Variants in ATP6V0A1 observed in about 807,000 individuals in gnomAD.
ATP6V0A1 encodes V-type proton ATPase 116 kDa subunit a 1.
Under a neutral mutation model 105.4 loss-of-function variants are expected in ATP6V0A1, and 43 were observed. The observed-to-expected ratio is 0.41, with a 90% CI of 0.32 to 0.53. The LOEUF (loss-of-function observed/expected upper bound fraction) is 0.53. ATP6V0A1 is among the 20% of genes least tolerant of loss of function. ATP6V0A1 has a pLI of 0.30. For synonymous variants in ATP6V0A1, 362 were observed against 372.8 expected (o/e 0.97, Z 0.33); for missense variants, 676 against 1,051.1 (o/e 0.64, Z 4.93).
chr17:42,507,341 G>A, intron 17 of ATP6V0A1, 179 bp from the exon 18 acceptor site: 1 of 537,876 alleles, frequency 1.9e-6, no homozygotes, highest in Non-Finnish European at 3.3e-6. Flanking sequence ...GGCTGGGGAG[G>A]CGGTGGTTGG....
At chr17:42,474,407 A>G (rs192838507) in intron 5 of ATP6V0A1, among the ~76,000 whole-genome samples, 5 of 151,994 alleles carry the variant, frequency 3.3e-5, no homozygotes, top group African/African-American at 1.2e-4. Context: ...TTTGTCATCA[A>G]TTCCCCTTCC....
At chr17:42,496,759 C>A (rs2091221046) in intron 14 of ATP6V0A1, among the ~76,000 whole-genome samples, 1 of 151,762 alleles carries the variant, frequency 6.6e-6, no homozygotes, top group Non-Finnish European at 1.5e-5. Context: ...TTGCTTGCGC[C>A]CGGGAGGAGG....
rs2090514014 is a variant in ATP6V0A1, at chr17:42,490,390, G to A, written c.1024-97G>A. The stretch of plus-strand genomic sequence containing the variant: ...GAAAGAAAATACATACATTTTATGT[G>A]TACCATTTGATGAGTTTCAAGAAAT... On this transcript the variant is annotated intron_variant, in intron 10 of 21. Transcript: ENST00000343619. 5 of 1,076,676 alleles carry A rather than the reference G, an allele frequency of 4.6e-6. No homozygotes were observed. In the South Asian group the frequency reaches 1.2e-4, roughly 27 times the overall value. The allele number at this position is 1,076,676 out of a possible 1,614,324, so 66.7% of individuals were successfully genotyped here.
chr17:42,515,502 G>C (rs1029070470), intron 21 of ATP6V0A1, among the ~76,000 whole-genome samples: 2 of 148,888 alleles, frequency 1.3e-5, no homozygotes, highest in African/African-American at 5.0e-5. Context: ...GGAGGGGTTG[G>C]GGGCCAGGCA....
At chr17:42,495,424 T>G (rs898440630) in intron 13 of ATP6V0A1, among the ~76,000 whole-genome samples, 6 of 152,104 alleles carry the variant, frequency 3.9e-5, no homozygotes, top group African/African-American at 1.4e-4. Flanking sequence ...CCTACTTGAT[T>G]GTGTGTTTGT....
At chr17:42,477,869 C>A in intron 6 of ATP6V0A1, 127 bp downstream of exon 6, 1 of 744,422 alleles carries the variant, frequency 1.3e-6, no homozygotes, top group Non-Finnish European at 2.1e-6. Flanking sequence ...TTGAGATAGT[C>A]CTACAACTCT....
chr17:42,498,968 T>C lies in ATP6V0A1; in HGVS notation c.1605T>C (p.Phe535=). 1 of 1,613,934 alleles carries C rather than the reference T, an allele frequency of 6.2e-7. No homozygotes were observed. The highest frequency in any genetic ancestry group is 8.5e-7 in the Non-Finnish European group (1 of 1,179,810). ...ATAAACTGACGTTCTTGAACTCCTT[T>C]AAGATGAAGATGTCTGTTATCCTTG... ...ATNKLTFLNS[F]KMKMSVILGI... is the part of the protein sequence containing the mutation. Residue 535 remains phenylalanine, a synonymous_variant, in exon 15 of 22, where the codon TTT becomes TTC. Coordinates refer to ENST00000343619, the MANE Select transcript of ATP6V0A1 (RefSeq NM_001130021.3).
intron 10 of ATP6V0A1, 119 bp from the exon 11 acceptor site, chr17:42,490,364 TGAAA>T (rs2090510953): frequency 1.2e-6 from 1 of 848,060 alleles, no homozygotes. Context: ...ATAATTTACA[TGAAA>T]GAAAATACAT....
In ATP6V0A1 at chr17:42,470,173, C is replaced by T. The variant is rs151312037; in HGVS notation, c.378C>T (p.Thr126=). Residue 126 remains threonine (T), a synonymous_variant, in exon 5 of 22, where the codon ACC becomes ACT. Coordinates refer to ENST00000343619, the MANE Select transcript of ATP6V0A1 (RefSeq NM_001130021.3). ...EALKRNFLEL[T]ELKFILRKTQ... ...TGAAGAGAAACTTCCTGGAACTGACCGAATTAAAATTTATACTTCGCAAAA... is the reference window on the plus strand; with the variant it reads ...TGAAGAGAAACTTCCTGGAACTGACTGAATTAAAATTTATACTTCGCAAAA... 173 of 1,612,674 alleles carry T rather than the reference C, an allele frequency of 1.1e-4. No homozygotes were observed. The African/African-American group carries it at 1.5e-3, about 14-fold the overall frequency.
At chr17:42,503,492 C>A (rs940722642) in intron 17 of ATP6V0A1, among the ~76,000 whole-genome samples, 46 of 152,162 alleles carry the variant, frequency 3.0e-4, no homozygotes, top group Non-Finnish European at 2.5e-4. Flanking sequence ...CTTGATCCTT[C>A]CCTCTTCTGA....
chr17:42,499,865 C>T (rs1038438973), intron 15 of ATP6V0A1, among the ~76,000 whole-genome samples: 4 of 151,810 alleles, frequency 2.6e-5, no homozygotes, highest in African/African-American at 9.7e-5. Context: ...CAGTAAAGAT[C>T]CTTGAAAAAA....
At chr17:42,467,488 A>G (rs2087247594) in intron 3 of ATP6V0A1, among the ~76,000 whole-genome samples, 1 of 152,168 alleles carries the variant, frequency 6.6e-6, no homozygotes, top group African/African-American at 2.4e-5. Context: ...CTCTTCTGGT[A>G]TTTTGTGTCC....
At chr17:42,514,488 TG>T (rs1310062171) in intron 21 of ATP6V0A1, 28 bp downstream of exon 21, 1 of 1,551,656 alleles carries the variant, frequency 6.4e-7, no homozygotes, top group African/African-American at 1.4e-5. Flanking sequence ...AGGGCGGGCA[TG>T]GGGGTGGATG....
chr17:42,517,008 G>A (rs953082242), intron 21 of ATP6V0A1, among the ~76,000 whole-genome samples: 1 of 152,200 alleles, frequency 6.6e-6, no homozygotes. Flanking sequence ...TACTGGGTGC[G>A]ATGGCTCACA....
intron 2 of ATP6V0A1, among the ~76,000 whole-genome samples, chr17:42,463,149 CA>C (rs1201365606): frequency 7.2e-6 from 1 of 138,142 alleles, no homozygotes; most frequent in Admixed American, 7.1e-5. Context: ...ACTACAGGCG[CA>C]CACCGCCGAG....
intron 2 of ATP6V0A1, among the ~76,000 whole-genome samples, chr17:42,464,252 C>T (rs763222038): frequency 2.6e-5 from 4 of 152,142 alleles, no homozygotes; most frequent in Non-Finnish European, 5.9e-5. Context: ...TTGTGTCCGT[C>T]TCTTCTGTAG....
At chr17:42,508,519 G>A in intron 18 of ATP6V0A1, 53 bp from the exon 19 acceptor site, 1 of 1,610,834 alleles carries the variant, frequency 6.2e-7, no homozygotes, top group Non-Finnish European at 8.5e-7. Flanking sequence ...CTCCTAACTT[G>A]TGACCTTGTG....
At position 42,521,381 on chromosome 17, in the gene ATP6V0A1, C is replaced by G. The variant is rs1226016606; in HGVS notation, c.*261C>G. On this transcript the variant is annotated 3_prime_UTR_variant, in exon 22 of 22. Transcript: ENST00000343619. This position sits in a 1 kb window ranked among gnomAD's most constrained non-coding sequence, Gnocchi z 4.8. ...CTTAGCCTCCATCCATCCAGACAGCCCTTCCCACCTCCTGGTGGTGAGCCA... is the reference window on the plus strand; with the variant it reads ...CTTAGCCTCCATCCATCCAGACAGCGCTTCCCACCTCCTGGTGGTGAGCCA... 3.4e-6 allele frequency: 1 copy of G among 295,268 alleles called. No individual in the cohort carries two copies. The highest frequency in any genetic ancestry group is 6.3e-6 in the Non-Finnish European group (1 of 159,088). 18.3% of individuals were successfully genotyped at this position (295,268 alleles called of 1,614,324 possible). A position where few individuals can be genotyped will look rare whatever the true frequency, so the allele number is the denominator to read the frequency against.
chr17:42,486,397 C>A (rs976426175), intron 9 of ATP6V0A1, among the ~76,000 whole-genome samples: 6 of 151,224 alleles, frequency 4.0e-5, no homozygotes, highest in South Asian at 2.1e-4. Flanking sequence ...GGCCACAGAG[C>A]GAGACTCCAT....
Sources: gnomAD v4.1 joint callset for allele counts (sites outside exome capture counted in the v4.1 genomes callset) on GRCh38, gnomAD v4.1.1 for gene constraint, Gnocchi (gnomAD v3.1) non-coding constraint, MANE v1.5 for transcripts, NCBI Gene and HGNC (gene_info 2026-07-23, HGNC 2026-07-21) for gene names.